Variants in DCLK1 observed in about 807,000 individuals in gnomAD.
DCLK1 encodes the protein doublecortin like kinase 1, also known as serine/threonine-protein kinase DCLK1.
A neutral mutation model predicts 86.2 loss-of-function variants in DCLK1; 16 were observed. The observed-to-expected ratio is 0.19, with a 90% CI of 0.13 to 0.28. The LOEUF is 0.28. Among genes scored for constraint, DCLK1 ranks in the 10% least tolerant of loss-of-function variants. The pLI is 1.00. For missense variants in DCLK1, 590 were observed against 940.2 expected (o/e 0.63, Z 4.87); for synonymous variants, 369 against 370.5 (o/e 1.00, Z 0.05).
intron 3 of DCLK1, among the ~76,000 whole-genome samples, chr13:35,974,411 A>G (rs1203775162): frequency 6.6e-6 from 1 of 152,196 alleles, no homozygotes; most frequent in Non-Finnish European, 1.5e-5. Flanking sequence ...TCCCACCTGC[A>G]AGCCTAGGAG....
intron 15 of DCLK1, among the ~76,000 whole-genome samples, chr13:35,795,925 C>CAAAAAAA (rs36039528): frequency 1.1e-5 from 1 of 90,114 alleles, no homozygotes; most frequent in African/African-American, 4.2e-5. Context: ...AACTCCATCT[C>CAAAAAAA]AAAAAAAAAA....
At chr13:35,883,061 C>T (rs1172773512) in intron 4 of DCLK1, among the ~76,000 whole-genome samples, 1 of 152,066 alleles carries the variant, frequency 6.6e-6, no homozygotes, top group African/African-American at 2.4e-5. Context: ...GCCGTGGATA[C>T]ACTGAAGGAA....
intron 3 of DCLK1, among the ~76,000 whole-genome samples, chr13:36,029,147 C>A (rs560509890): frequency 6.6e-6 from 1 of 152,180 alleles, no homozygotes; most frequent in Non-Finnish European, 1.5e-5. Context: ...GATTCAAGAA[C>A]CCTCTCTTGA....
chr13:35,847,348 G>A, intron 6 of DCLK1: 1 of 984,982 alleles, frequency 1.0e-6, no homozygotes, highest in Non-Finnish European at 1.2e-6. Flanking sequence ...AATTCCACAA[G>A]AGCCAGTAAC....
chr13:35,970,641 G>A (rs755578565), intron 3 of DCLK1, among the ~76,000 whole-genome samples: 3 of 152,094 alleles, frequency 2.0e-5, no homozygotes, highest in Non-Finnish European at 2.9e-5. Context: ...AGCCTTTAAG[G>A]TGCCATCCTG....
chr13:35,779,870 T>A (rs1459492489), intron 16 of DCLK1, among the ~76,000 whole-genome samples: 1 of 152,158 alleles, frequency 6.6e-6, no homozygotes, highest in African/African-American at 2.4e-5. Context: ...AGCCCATATA[T>A]GCAGTTTGGG....
At chr13:35,846,382 T>C (rs937708131) in intron 6 of DCLK1, 2 of 985,208 alleles carry the variant, frequency 2.0e-6, no homozygotes, top group African/African-American at 1.7e-5. Context: ...GCCTATAACT[T>C]TTAGATATCT....
At chr13:35,959,255 T>C (rs1593770013) in intron 3 of DCLK1, among the ~76,000 whole-genome samples, 1 of 152,320 alleles carries the variant, frequency 6.6e-6, no homozygotes, top group East Asian at 1.9e-4. Flanking sequence ...TGGGGCTGGT[T>C]TCCATCTCCC....
chr13:35,788,393 T>C (rs2086657668), intron 16 of DCLK1: 3 of 974,066 alleles, frequency 3.1e-6, no homozygotes, highest in South Asian at 2.9e-5. Context: ...ATAGTTACGA[T>C]GCCTCTTCTG....
chr13:36,117,758 G>A (rs1885839899), intron 2 of DCLK1, among the ~76,000 whole-genome samples: 1 of 152,126 alleles, frequency 6.6e-6, no homozygotes, highest in South Asian at 2.1e-4. Flanking sequence ...CTCTGGGAAG[G>A]GAAAGAAACC....
At chr13:35,836,956 T>C (rs1001435587) in intron 7 of DCLK1, among the ~76,000 whole-genome samples, 1 of 152,200 alleles carries the variant, frequency 6.6e-6, no homozygotes, top group Non-Finnish European at 1.5e-5. Context: ...TAAAAAGTCT[T>C]TTATAGCTGG....
At chr13:35,889,007 T>A (rs2153118758) in intron 4 of DCLK1, among the ~76,000 whole-genome samples, 1 of 152,318 alleles carries the variant, frequency 6.6e-6, no homozygotes, top group East Asian at 1.9e-4. Context: ...TTTCCAAAAA[T>A]ATTAGCAGAG....
rs2086379533 is a variant in DCLK1 at position 35,774,109 on chromosome 13, ACC to A, written c.*424_*425del. 7 of 157,050 alleles carry A rather than the reference ACC, an allele frequency of 4.5e-5. No individual in the cohort carries two copies. The South Asian group carries it at 1.4e-3, about 30-fold the overall frequency. 9.7% of individuals were successfully genotyped at this position (157,050 alleles called of 1,614,324 possible). A position where few individuals can be genotyped will look rare whatever the true frequency, so the allele number is the denominator to read the frequency against. On this transcript the variant is annotated 3_prime_UTR_variant, in exon 17 of 17. Transcript: ENST00000360631. ...TCTGGACATTTCAGCATCTAACAAC[ACC>A]CCTTGATCTGCAGTAAAATCAAGAA...
intron 4 of DCLK1, among the ~76,000 whole-genome samples, chr13:35,935,954 T>C (rs977214086): frequency 6.6e-6 from 1 of 152,168 alleles, no homozygotes; most frequent in African/African-American, 2.4e-5. Context: ...CCATCATTGC[T>C]AAAGCCATTA....
chr13:35,922,703 T>C (rs2153127226), intron 4 of DCLK1, among the ~76,000 whole-genome samples: 1 of 152,306 alleles, frequency 6.6e-6, no homozygotes, highest in Non-Finnish European at 1.5e-5. Flanking sequence ...CATTGTTATG[T>C]ATTGGGCATA....
chr13:36,072,407 C>G lies in DCLK1; in HGVS notation c.723+39462G>C, dbSNP rs111577813. Among the ~76,000 whole-genome samples, 6 of 152,290 alleles carry G rather than the reference C, an allele frequency of 3.9e-5. 1 individual carries two copies. The highest frequency in any genetic ancestry group is 1.2e-4 in the African/African-American group (5 of 41,554). On this transcript the variant is annotated intron_variant, in intron 3 of 16. Transcript: ENST00000360631. The stretch of plus-strand genomic sequence containing the variant: ...AGCAACCTAAGGTCAGTCATTGAAA[C>G]TCTTCCCTTCTCTAATGACACGTAT...
At chr13:36,088,946 A>G (rs1005745204) in intron 3 of DCLK1, among the ~76,000 whole-genome samples, 1 of 152,210 alleles carries the variant, frequency 6.6e-6, no homozygotes, top group African/African-American at 2.4e-5. Context: ...TCTGGATTCT[A>G]AACTTTTCTG....
intron 3 of DCLK1, among the ~76,000 whole-genome samples, chr13:36,019,103 A>G (rs1881656771): frequency 6.6e-6 from 1 of 152,166 alleles, no homozygotes; most frequent in Admixed American, 6.5e-5. Flanking sequence ...AATGAGATGC[A>G]TTTTTTCCAT....
intron 3 of DCLK1, among the ~76,000 whole-genome samples, chr13:36,001,715 T>C (rs888700257): frequency 3.3e-5 from 5 of 152,174 alleles, no homozygotes; most frequent in African/African-American, 1.2e-4. Flanking sequence ...GTAAGACTCA[T>C]CACCCTGGAG....
Sources: gnomAD v4.1 joint callset for allele counts (sites outside exome capture counted in the v4.1 genomes callset) on GRCh38, gnomAD v4.1.1 for gene constraint, MANE v1.5 for transcripts, NCBI Gene and HGNC (gene_info 2026-07-23, HGNC 2026-07-21) for gene names.